PKD1L1: variants seen among roughly 807,000 people sequenced by gnomAD.
PKD1L1 encodes polycystin 1 like 1, transient receptor potential channel interacting.
Under a neutral mutation model 323.4 loss-of-function variants are expected in PKD1L1, and 236 were observed. That is an observed-to-expected ratio of 0.73 (90% CI 0.66 to 0.81). PKD1L1 has a LOEUF of 0.81. Among genes scored for constraint, PKD1L1 ranks in the 40% least tolerant of loss-of-function variants. PKD1L1 has a pLI of 0.00. For synonymous variants in PKD1L1, 1,344 were observed against 1,335.0 expected (o/e 1.01, Z -0.15); for missense variants, 3,320 against 3,508.0 (o/e 0.95, Z 1.35).
intron 15 of PKD1L1, among the ~76,000 whole-genome samples, chr7:47,892,658 T>C (rs1475755769): frequency 6.6e-6 from 1 of 152,164 alleles, no homozygotes; most frequent in African/African-American, 2.4e-5. Context: ...ACACCACTAA[T>C]ATATCCATGT....
rs1562933424 is a variant in PKD1L1 at position 47,796,087 on chromosome 7, T to C, written c.8257A>G (p.Arg2753Gly). 1.2e-6 allele frequency: 2 copies of C among 1,611,302 alleles called. No individual in the cohort carries two copies. The highest frequency in any genetic ancestry group is 2.2e-5 in the South Asian group (2 of 90,516). ...ATATAAGCAGTGACATCTTTAAGTC[T>C]CACAAAAGATTTACTTTGAAAAGAT... is the stretch of plus-strand genomic sequence containing the variant. ...RKSFQSKSFVRLKDVTAYMWE... is the reference protein window; with the variant it reads ...RKSFQSKSFVGLKDVTAYMWE... Residue 2753 changes from arginine (R) to glycine (G), a missense_variant, in exon 55 of 57, where the codon AGA becomes GGA. Physicochemically the swap from Arg to Gly is moderately radical, Grantham distance 125. Transcript: ENST00000289672.
chr7:47,815,324 G>A lies in PKD1L1; in HGVS notation c.7089+10C>T. ...GATGATCTCCTATGAAGAGGAGACG[G>A]AAAGCTCACCTGAGCCCCCGGCACA... On this transcript the variant is annotated intron_variant, in intron 47 of 56. Coordinates refer to ENST00000289672, the MANE Select transcript of PKD1L1 (RefSeq NM_138295.5). The A allele has an allele frequency of 6.2e-7, 1 of 1,612,120 alleles. No homozygotes were observed. Among genetic ancestry groups the A allele is most frequent in the Non-Finnish European group, 8.5e-7 (1 of 1,179,518 alleles).
chr7:47,956,142 A>G, the PKD1L1 span, among the ~76,000 whole-genome samples: 1 of 148,996 alleles, frequency 6.7e-6, no homozygotes, highest in African/African-American at 2.4e-5. Flanking sequence ...AACTCACTGG[A>G]CCACAGAGCC....
intron 22 of PKD1L1, 79 bp from the exon 23 acceptor site, chr7:47,876,296 T>A: frequency 6.8e-7 from 1 of 1,472,786 alleles, no homozygotes; most frequent in South Asian, 1.3e-5. Flanking sequence ...CACACACAGC[T>A]GAGCCTTCAT....
chr7:47,839,506 C>G lies in PKD1L1; in HGVS notation c.5709G>C (p.Arg1903Ser). ...GCTCCCGCTCCACGCGACCATCATG[C>G]CTGCCGGCAGACAGCCAGCACTGGG... The part of the protein sequence containing the change: ...FPAQCWLSAG[R>S]HDGRVERELT... The change falls in exon 36 of 57, where the codon AGG (arginine) becomes AGC (serine). Residue 1903 changes from arginine (R) to serine (S), a missense_variant. Coordinates refer to ENST00000289672, the MANE Select transcript of PKD1L1 (RefSeq NM_138295.5). The surrounding 1 kb of genome is among the most constrained non-coding windows in gnomAD (Gnocchi z 4.3). 6.2e-7 allele frequency: 1 copy of G among 1,612,516 alleles called. No homozygotes were observed. The highest frequency in any genetic ancestry group is 8.5e-7 in the Non-Finnish European group (1 of 1,179,740).
At position 47,902,462 on chromosome 7, in the gene PKD1L1, AGGC is replaced by A; in HGVS notation, c.1978_1980del (p.Ala660del). 1.2e-6 allele frequency: 2 copies of A among 1,614,108 alleles called. No homozygotes were observed. The highest frequency in any genetic ancestry group is 1.7e-6 in the Non-Finnish European group (2 of 1,179,952). ...ATGAAAAGTTGCTGTCTTAGAGTGG[AGGC>A]ACTGACATTATTGAAGGCAAGGACC... On this transcript the variant is annotated inframe_deletion, in exon 13 of 57. Transcript: ENST00000289672.
intron 16 of PKD1L1, among the ~76,000 whole-genome samples, chr7:47,888,553 G>GCTTGCTT (rs1450769645): frequency 1.3e-5 from 2 of 152,232 alleles, no homozygotes; most frequent in Admixed American, 6.5e-5. Flanking sequence ...TTGCCTCAGG[G>GCTTGCTT]CTTGCTTCTA....
At chr7:47,942,769 C>T (rs376380417) in intron 2 of PKD1L1, among the ~76,000 whole-genome samples, 4 of 152,274 alleles carry the variant, frequency 2.6e-5, no homozygotes, top group East Asian at 3.9e-4. Flanking sequence ...TGGTTGTTCT[C>T]GAAGTGTGGC....
intron 8 of PKD1L1, among the ~76,000 whole-genome samples, chr7:47,910,731 C>T (rs1169411566): frequency 1.3e-5 from 2 of 151,424 alleles, no homozygotes; most frequent in Non-Finnish European, 2.9e-5. Context: ...GATCTCAGCT[C>T]ACTGCAACCT....
intron 21 of PKD1L1, among the ~76,000 whole-genome samples, chr7:47,879,778 A>G (rs1467809999): frequency 6.1e-5 from 9 of 148,102 alleles, no homozygotes; most frequent in Admixed American, 4.1e-4. Flanking sequence ...CTAAAAATAC[A>G]AAAAATTAGC....
chr7:47,815,183 G>T, intron 47 of PKD1L1, 151 bp downstream of exon 47: 2 of 965,788 alleles, frequency 2.1e-6, no homozygotes, highest in Non-Finnish European at 3.0e-6. Context: ...AGGATGCTCT[G>T]CTGGGACCCA....
intron 19 of PKD1L1, 102 bp from the exon 20 acceptor site, chr7:47,882,187 T>TCA (rs373399455): frequency 5.0e-6 from 6 of 1,194,040 alleles, no homozygotes; most frequent in Non-Finnish European, 6.0e-6. Flanking sequence ...TTTGTACTAT[T>TCA]GCTGGATACC....
chr7:47,929,701 A>T (rs1177697911), intron 6 of PKD1L1, among the ~76,000 whole-genome samples, 175 bp from the exon 7 acceptor site: 1 of 152,172 alleles, frequency 6.6e-6, no homozygotes, highest in Non-Finnish European at 1.5e-5. Flanking sequence ...CAGCAGCATC[A>T]GCATCACCTG....
intron 25 of PKD1L1, 44 bp from the exon 26 acceptor site, chr7:47,865,316 A>G: frequency 6.4e-7 from 1 of 1,550,618 alleles, no homozygotes; most frequent in Non-Finnish European, 8.9e-7. Flanking sequence ...AAATGCAAGG[A>G]GAGGGAAATT....
At chr7:47,943,864 C>T (rs957008842) in intron 1 of PKD1L1, among the ~76,000 whole-genome samples, 1 of 152,200 alleles carries the variant, frequency 6.6e-6, no homozygotes, top group Non-Finnish European at 1.5e-5. Context: ...CCTCTTCCTC[C>T]TCCTCTCTTC....
intron 16 of PKD1L1, among the ~76,000 whole-genome samples, chr7:47,888,667 C>T (rs571278852): frequency 6.6e-6 from 1 of 152,368 alleles, no homozygotes; most frequent in African/African-American, 2.4e-5. Context: ...TCCACTGCCT[C>T]GGCCCCGCCT....
chr7:47,861,880 C>CAAAAA (rs60918464), intron 26 of PKD1L1, among the ~76,000 whole-genome samples: 5 of 43,900 alleles, frequency 1.1e-4, no homozygotes, highest in African/African-American at 2.0e-4. Flanking sequence ...GACTCTGTCT[C>CAAAAA]AAAAAAAAAA....
chr7:47,876,021 T>C, intron 23 of PKD1L1, 76 bp downstream of exon 23: 1 of 1,524,256 alleles, frequency 6.6e-7, no homozygotes, highest in African/African-American at 1.4e-5. Context: ...CACAGTTTAG[T>C]TTTTGAAAAC....
rs556770278 is a variant in PKD1L1 at position 47,812,027 on chromosome 7, G to A, written c.7371C>T (p.Ser2457=). ...RTRTEAHTAL[S]RLRASMWIDR... ...CAATCCACATGCTGGCCCTGAGTCGGGACAGGGCTGTGTGGGCTTCAGTCC... is the reference window on the plus strand; with the variant it reads ...CAATCCACATGCTGGCCCTGAGTCGAGACAGGGCTGTGTGGGCTTCAGTCC... Residue 2457 remains serine, a synonymous_variant, in exon 50 of 57, where the codon TCC becomes TCT. Coordinates refer to ENST00000289672, the MANE Select transcript of PKD1L1 (RefSeq NM_138295.5). 35 of 1,568,132 alleles carry A rather than the reference G, an allele frequency of 2.2e-5. 2 individuals are homozygous for A. In the South Asian group the frequency reaches 2.6e-4, roughly 12 times the overall value.
Sources: gnomAD v4.1 joint callset for allele counts (sites outside exome capture counted in the v4.1 genomes callset) on GRCh38, gnomAD v4.1.1 for gene constraint, Gnocchi (gnomAD v3.1) non-coding constraint, MANE v1.5 for transcripts, NCBI Gene and HGNC (gene_info 2026-07-23, HGNC 2026-07-21) for gene names.